The following GRIK1 variants were observed in gnomAD, a reference collection of about 807,000 sequenced individuals.
GRIK1 encodes the protein glutamate ionotropic receptor kainate type subunit 1.
Under a neutral mutation model 105.7 loss-of-function variants are expected in GRIK1, and 69 were observed. The ratio of observed to expected loss-of-function variants is 0.65; its 90% CI spans 0.54 to 0.80. The LOEUF (loss-of-function observed/expected upper bound fraction) is 0.80. GRIK1 is among the 30% of genes least tolerant of loss of function. The pLI is 0.00. For synonymous variants in GRIK1, 438 were observed against 431.3 expected, an observed-to-expected ratio of 1.02 and a Z score of -0.19; for missense variants, 1,109 against 1,167.3, an observed-to-expected ratio of 0.95 and a Z score of 0.73.
intron 8 of GRIK1, among the ~76,000 whole-genome samples, chr21:29,597,874 C>A (rs363464): frequency 0.033 from 5,041 of 152,050 alleles, 128 homozygotes; most frequent in Non-Finnish European, 0.05. Context: ...TCCTGGTTAA[C>A]AAAAGCAAGA....
intron 16 of GRIK1, among the ~76,000 whole-genome samples, chr21:29,551,178 G>A (rs983970298): frequency 6.6e-6 from 1 of 152,170 alleles, no homozygotes; most frequent in Admixed American, 6.6e-5. Flanking sequence ...TTCTCAATGC[G>A]CAAAAACTTG....
At chr21:29,832,314 C>T (rs467306) in intron 1 of GRIK1, among the ~76,000 whole-genome samples, 58,900 of 151,796 alleles carry the variant, frequency 0.39, 12,473 homozygotes, top group East Asian at 0.7. Flanking sequence ...AGGACAGTGG[C>T]CCTCTTCTCA....
intron 14 of GRIK1, among the ~76,000 whole-genome samples, chr21:29,576,345 A>G (rs1419205519): frequency 1.3e-5 from 2 of 152,310 alleles, no homozygotes; most frequent in African/African-American, 2.4e-5. Context: ...AACTAAACTC[A>G]TCCAACTTAA....
At chr21:29,785,126 A>T (rs899342189) in intron 1 of GRIK1, among the ~76,000 whole-genome samples, 10 of 152,234 alleles carry the variant, frequency 6.6e-5, no homozygotes, top group Non-Finnish European at 1.0e-4. Context: ...ATGTGTGATT[A>T]TATTTTTAAA....
At chr21:29,915,963 G>T (rs1481745244) in intron 1 of GRIK1, among the ~76,000 whole-genome samples, 1 of 151,880 alleles carries the variant, frequency 6.6e-6, no homozygotes, top group Non-Finnish European at 1.5e-5. Flanking sequence ...TATATTCCAA[G>T]CCCACACCTT....
At chr21:29,923,191 AC>A (rs2146331198) in intron 1 of GRIK1, among the ~76,000 whole-genome samples, 1 of 152,270 alleles carries the variant, frequency 6.6e-6, no homozygotes, top group South Asian at 2.1e-4. Context: ...GTAGGGTGAT[AC>A]TGTCCTCCTT....
At chr21:29,659,806 C>CA (rs1348290130) in intron 4 of GRIK1, among the ~76,000 whole-genome samples, 1 of 151,948 alleles carries the variant, frequency 6.6e-6, no homozygotes, top group Admixed American at 6.5e-5. Context: ...ACTAAAAATA[C>CA]AAAAAATTAG....
intron 1 of GRIK1, among the ~76,000 whole-genome samples, chr21:29,787,873 GT>G (rs2066302102): frequency 6.6e-6 from 1 of 152,250 alleles, no homozygotes; most frequent in Non-Finnish European, 1.5e-5. Context: ...TGACAACAGG[GT>G]TTTATGGCTT....
At chr21:29,862,705 AG>A (rs2068686069) in intron 1 of GRIK1, among the ~76,000 whole-genome samples, 1 of 152,236 alleles carries the variant, frequency 6.6e-6, no homozygotes, top group Admixed American at 6.5e-5. Flanking sequence ...AAAACACTAC[AG>A]GAGAGGAAGC....
intron 1 of GRIK1, among the ~76,000 whole-genome samples, chr21:29,880,185 T>TG (rs1395796369): frequency 2.6e-5 from 4 of 152,298 alleles, no homozygotes; most frequent in African/African-American, 9.6e-5. Context: ...GTCTATATTA[T>TG]TCAGTGTACC....
chr21:29,876,393 T>C (rs147265995), intron 1 of GRIK1, among the ~76,000 whole-genome samples: 2 of 152,264 alleles, frequency 1.3e-5, no homozygotes, highest in East Asian at 3.9e-4. Context: ...ATTATAGGAA[T>C]ATATTTGTGT....
At chr21:29,737,733 G>A (rs1033948143) in intron 1 of GRIK1, among the ~76,000 whole-genome samples, 34 of 152,206 alleles carry the variant, frequency 2.2e-4, no homozygotes, top group Admixed American at 4.6e-4. Flanking sequence ...CAGGTGCCAA[G>A]GATGGAGGTC....
chr21:29,581,550 T>C lies in GRIK1; in HGVS notation c.1794-7A>G, dbSNP rs755752898. On this transcript the variant is annotated splice_polypyrimidine_tract_variant and splice_region_variant and intron_variant, in intron 12 of 17. Coordinates refer to ENST00000327783, the MANE Select transcript of GRIK1 (RefSeq NM_001330994.2). ...CCACTCGTAGGGTGTAAACCTGTGG[T>C]AGTTAACAGAAACAGTCTGTAAATA... 26 of 1,495,666 alleles carry C rather than the reference T, an allele frequency of 1.7e-5. No individual in the cohort carries two copies. In the East Asian group the frequency reaches 5.9e-4, roughly 34 times the overall value. The allele number at this position is 1,495,666 out of a possible 1,614,324, so 92.6% of individuals were successfully genotyped here.
chr21:29,904,976 C>T (rs566480641), intron 1 of GRIK1, among the ~76,000 whole-genome samples: 3 of 152,292 alleles, frequency 2.0e-5, no homozygotes, highest in African/African-American at 7.2e-5. Context: ...CACCGCTATA[C>T]GTGCTGCAGC....
chr21:29,680,539 C>T (rs555481529), intron 3 of GRIK1, among the ~76,000 whole-genome samples: 6 of 152,324 alleles, frequency 3.9e-5, no homozygotes, highest in East Asian at 3.9e-4. Flanking sequence ...AGTAGGCCCT[C>T]CTTATCTGAG....
chr21:29,592,736 A>C (rs766627307), intron 9 of GRIK1, among the ~76,000 whole-genome samples: 137 of 152,256 alleles, frequency 9.0e-4, no homozygotes, highest in Admixed American at 1.6e-3. Flanking sequence ...ACCTGCACAC[A>C]TAGTAACAAG....
intron 1 of GRIK1, among the ~76,000 whole-genome samples, chr21:29,799,316 C>T (rs909169229): frequency 3.3e-5 from 5 of 152,130 alleles, no homozygotes; most frequent in African/African-American, 1.2e-4. Flanking sequence ...AACCACATGG[C>T]GCTGTTATGC....
intron 1 of GRIK1, among the ~76,000 whole-genome samples, chr21:29,880,947 C>A (rs112158317): frequency 2.0e-5 from 3 of 152,242 alleles, no homozygotes; most frequent in African/African-American, 7.2e-5. Flanking sequence ...AGGTGAAGAT[C>A]TCTGAGGTTA....
rs549584670 is a variant in GRIK1, at chr21:29,834,929, C to T, written c.118+104454G>A. Among the ~76,000 whole-genome samples, 5 of 151,076 alleles carry T rather than the reference C, an allele frequency of 3.3e-5. No individual in the cohort carries two copies. The South Asian group carries it at 1.0e-3, about 32-fold the overall frequency. ...GGGTTTTTTGTATCATTATTATTCTCACTCTTGTCTTACTTTCTCTTTCTC... is the reference window on the plus strand; with the variant it reads ...GGGTTTTTTGTATCATTATTATTCTTACTCTTGTCTTACTTTCTCTTTCTC... On this transcript the variant is annotated intron_variant, in intron 1 of 17. Transcript: ENST00000327783.
Sources: allele counts gnomAD v4.1 joint callset (sites outside exome capture counted in the v4.1 genomes callset), GRCh38; gene constraint gnomAD v4.1.1; transcripts MANE v1.5; gene names NCBI Gene and HGNC (gene_info 2026-07-23, HGNC 2026-07-21).